Variants in CSMD1 observed in about 807,000 individuals in gnomAD.
CSMD1 encodes the protein CUB and Sushi multiple domains 1.
Under a neutral mutation model 417.5 loss-of-function variants are expected in CSMD1, and 213 were observed. That is an observed-to-expected ratio of 0.51 (90% CI 0.46 to 0.57). The LOEUF (loss-of-function observed/expected upper bound fraction) is 0.57. CSMD1 is among the 20% of genes least tolerant of loss of function. The probability of loss-of-function intolerance (pLI) is 0.00; values close to 1 mark genes in which losing one functional copy is unlikely to be tolerated. For missense variants in CSMD1, 6,923 were observed against 4,529.7 expected (o/e 1.53, Z -15.17); for synonymous variants, 2,862 against 1,736.8 (o/e 1.65, Z -16.11).
chr8:4,031,132 T>G (rs1049489224), intron 4 of CSMD1, among the ~76,000 whole-genome samples: 1 of 152,206 alleles, frequency 6.6e-6, no homozygotes, highest in Non-Finnish European at 1.5e-5. Flanking sequence ...CAAACTGTTC[T>G]AAACTCTGCC....
chr8:4,769,796 G>C (rs1210960761), intron 1 of CSMD1, among the ~76,000 whole-genome samples: 1 of 152,064 alleles, frequency 6.6e-6, no homozygotes, highest in Non-Finnish European at 1.5e-5. Flanking sequence ...GCCACGTTTA[G>C]CATTTTCTAC....
intron 1 of CSMD1, among the ~76,000 whole-genome samples, chr8:4,700,407 G>A (rs900785281): frequency 6.6e-6 from 1 of 151,948 alleles, no homozygotes; most frequent in Non-Finnish European, 1.5e-5. Flanking sequence ...GCTTTTACAA[G>A]TTTTATACTT....
intron 1 of CSMD1, among the ~76,000 whole-genome samples, chr8:4,780,961 G>C (rs879523062): frequency 6.6e-6 from 1 of 152,158 alleles, no homozygotes; most frequent in Non-Finnish European, 1.5e-5. Flanking sequence ...GCAATGACCT[G>C]TTTTTGTCAC....
At chr8:3,066,821 A>G (rs914651372) in intron 49 of CSMD1, among the ~76,000 whole-genome samples, 5 of 152,204 alleles carry the variant, frequency 3.3e-5, no homozygotes, top group East Asian at 3.9e-4. Context: ...TCATTTCTCC[A>G]CAATTCCTCT....
intron 10 of CSMD1, among the ~76,000 whole-genome samples, chr8:3,561,291 T>G (rs1799456783): frequency 6.6e-6 from 1 of 152,130 alleles, no homozygotes; most frequent in African/African-American, 2.4e-5. Context: ...AGGTATCTAC[T>G]CAAAGGAAAG....
At chr8:3,603,098 T>C (rs1801439845) in intron 8 of CSMD1, among the ~76,000 whole-genome samples, 1 of 152,202 alleles carries the variant, frequency 6.6e-6, no homozygotes, top group African/African-American at 2.4e-5. Flanking sequence ...GAGTGTGTCA[T>C]TTTTCAAAGG....
intron 3 of CSMD1, among the ~76,000 whole-genome samples, chr8:4,176,313 A>T (rs1310012354): frequency 2.0e-5 from 3 of 152,110 alleles, no homozygotes; most frequent in South Asian, 2.1e-4. Flanking sequence ...TCTTATCTAT[A>T]TTGTTTGCTG....
At chr8:3,346,884 G>A (rs1038698243) in intron 22 of CSMD1, among the ~76,000 whole-genome samples, 2 of 152,210 alleles carry the variant, frequency 1.3e-5, no homozygotes, top group African/African-American at 4.8e-5. Context: ...GGAATAAAAA[G>A]AGCCACGTGT....
chr8:3,333,172 C>T (rs1232689632), intron 23 of CSMD1, among the ~76,000 whole-genome samples: 1 of 152,134 alleles, frequency 6.6e-6, no homozygotes, highest in Non-Finnish European at 1.5e-5. Flanking sequence ...AGGCCCCTGA[C>T]ACTCAGATGA....
At chr8:4,436,154 G>C (rs369581206) in intron 2 of CSMD1, among the ~76,000 whole-genome samples, 21 of 152,248 alleles carry the variant, frequency 1.4e-4, no homozygotes, top group African/African-American at 4.6e-4. Context: ...CATAGATATT[G>C]AGAGAGTTAG....
At chr8:3,910,199 G>A (rs762685683) in intron 5 of CSMD1, among the ~76,000 whole-genome samples, 1 of 152,102 alleles carries the variant, frequency 6.6e-6, no homozygotes, top group Non-Finnish European at 1.5e-5. Flanking sequence ...ATAATGCACG[G>A]AAAACAATGT....
intron 5 of CSMD1, among the ~76,000 whole-genome samples, chr8:3,970,997 C>A (rs1031969058): frequency 6.6e-5 from 10 of 152,054 alleles, no homozygotes; most frequent in Non-Finnish European, 1.3e-4. Context: ...GTGATCCCCC[C>A]GCCTCAGACT....
At chr8:3,709,680 G>GTTTTTTCTTTTTTTTTTT (rs1801387923) in intron 6 of CSMD1, among the ~76,000 whole-genome samples, 1 of 33,694 alleles carries the variant, frequency 3.0e-5, no homozygotes, top group Non-Finnish European at 5.7e-5. Context: ...GCAGCAGCAT[G>GTTTTTTCTTTTTTTTTTT]TTTTTTTTTT....
intron 2 of CSMD1, among the ~76,000 whole-genome samples, chr8:4,624,677 G>C (rs555040730): frequency 1.4e-4 from 22 of 152,200 alleles, no homozygotes; most frequent in Middle Eastern, 3.4e-3. Context: ...GTTTACACGG[G>C]ATATAATTCT....
At chr8:3,291,840 G>A (rs184416661) in intron 25 of CSMD1, among the ~76,000 whole-genome samples, 271 of 151,996 alleles carry the variant, frequency 1.8e-3, no homozygotes, top group Non-Finnish European at 3.2e-3. Context: ...GTTCTGCTCC[G>A]ATCTTAGTTA....
chr8:4,960,883 C>T (rs62489437), intron 1 of CSMD1, among the ~76,000 whole-genome samples: 11,431 of 151,982 alleles, frequency 0.075, 543 homozygotes, highest in African/African-American at 0.11. Flanking sequence ...TTAAAAGATT[C>T]CTCAACTCCT....
intron 3 of CSMD1, among the ~76,000 whole-genome samples, chr8:4,079,081 T>C (rs968421743): frequency 2.6e-5 from 4 of 151,866 alleles, no homozygotes; most frequent in Non-Finnish European, 4.4e-5. Context: ...ATACAGCTCA[T>C]TACCAGGGTC....
intron 3 of CSMD1, among the ~76,000 whole-genome samples, chr8:4,067,049 T>G (rs1250943686): frequency 1.3e-5 from 2 of 152,370 alleles, no homozygotes; most frequent in Middle Eastern, 3.4e-3. Flanking sequence ...AAATCAAGTG[T>G]TGCCACATGG....
At chr8:4,755,984 A>G (rs1315748331) in intron 1 of CSMD1, among the ~76,000 whole-genome samples, 1 of 152,220 alleles carries the variant, frequency 6.6e-6, no homozygotes, top group Non-Finnish European at 1.5e-5. Context: ...CTATATGATG[A>G]ATTATTTAGT....
Sources: allele counts gnomAD v4.1 joint callset (sites outside exome capture counted in the v4.1 genomes callset), GRCh38; gene constraint gnomAD v4.1.1; transcripts MANE v1.5; gene names NCBI Gene and HGNC (gene_info 2026-07-23, HGNC 2026-07-21).